Variants in CDHR2 observed in about 807,000 individuals in gnomAD.
CDHR2 encodes cadherin related family member 2.
A neutral mutation model predicts 138.6 loss-of-function variants in CDHR2; 104 were observed. The ratio of observed to expected loss-of-function variants is 0.75; its 90% CI spans 0.64 to 0.88. CDHR2 has a LOEUF of 0.88. CDHR2 is among the 40% of genes least tolerant of loss of function. The probability of loss-of-function intolerance (pLI) is 0.00; values close to 1 mark genes in which losing one functional copy is unlikely to be tolerated. For missense variants in CDHR2, 1,624 were observed against 1,727.6 expected (o/e 0.94, Z 1.06); for synonymous variants, 755 against 742.8 (o/e 1.02, Z -0.27).
upstream of CDHR2, among the ~76,000 whole-genome samples, chr5:176,546,115 TG>T (rs959688175): frequency 8.5e-5 from 13 of 152,096 alleles, 1 homozygote; most frequent in Admixed American, 1.3e-4. Context: ...GAGCCTTGGG[TG>T]GGGTCACCTG....
chr5:176,568,938 C>G (rs750859939), intron 4 of CDHR2, 22 bp from the exon 5 acceptor site: 4 of 1,613,754 alleles, frequency 2.5e-6, no homozygotes, highest in Admixed American at 3.3e-5. Flanking sequence ...CACCACCGGC[C>G]CCTTCTCTCT....
intron 1 of CDHR2, among the ~76,000 whole-genome samples, chr5:176,551,968 C>G (rs1757716399): frequency 6.6e-6 from 1 of 152,124 alleles, no homozygotes; most frequent in Admixed American, 6.6e-5. Context: ...AATCGGCCCG[C>G]CAAAGTGCTG....
rs745704786 is a variant in CDHR2, at chr5:176,578,573, CAGG to C, written c.1793_1795del (p.Glu598del). 4 of 1,613,330 alleles carry C rather than the reference CAGG, an allele frequency of 2.5e-6. No homozygotes were observed. Among genetic ancestry groups the C allele is most frequent in the African/African-American group, 2.7e-5 (2 of 74,924 alleles). ...TAGCGGCTCCTACAACATCTTCGTC[CAGG>C]AGGAGGAGGGCAATGTCTCCGTGAC... is the stretch of plus-strand genomic sequence containing the variant. On this transcript the variant is annotated inframe_deletion, in exon 16 of 32. Transcript: ENST00000261944.
At position 176,574,096 on chromosome 5, in the gene CDHR2, G is replaced by T. The variant is rs749881774; in HGVS notation, c.419G>T (p.Gly140Val). The T allele has an allele frequency of 5.6e-6, 9 of 1,613,952 alleles. No homozygotes were observed. The Admixed American group carries it at 1.3e-4, about 24-fold the overall frequency. The change falls in exon 7 of 32, where the codon GGC becomes GTC. Residue 140 changes from glycine to valine, a missense_variant. This residue lies in a region of CDHR2 where 1,061 missense variants were observed against 1,136.6 expected (regional missense o/e 0.93). Coordinates refer to ENST00000261944, the MANE Select transcript of CDHR2 (RefSeq NM_017675.6). ...STSINETLPV[G>V]SVVFSVLAVD... ...CCCTCCCTGCAGACCCTGCCCGTGG[G>T]CAGTGTGGTGTTCTCCGTGCTGGCC...
upstream of CDHR2, among the ~76,000 whole-genome samples, chr5:176,549,217 C>G (rs148816402): frequency 2.0e-5 from 3 of 152,198 alleles, no homozygotes; most frequent in East Asian, 1.9e-4. Context: ...GTCCGGCGCC[C>G]CCAGCTGTAC....
In CDHR2 at chr5:176,568,808, G is replaced by T. The variant is rs1451511125; in HGVS notation, c.255G>T (p.Leu85=). The T allele has an allele frequency of 1.9e-6, 3 of 1,614,152 alleles. No individual in the cohort carries two copies. Among genetic ancestry groups the T allele is most frequent in the Non-Finnish European group, 2.5e-6 (3 of 1,180,004 alleles). Residue 85 remains leucine (L), a synonymous_variant, in exon 4 of 32, where the codon CTG becomes CTT. Transcript: ENST00000261944. ...GGGAAGTGAAGCTGGCCAGCGCTCT[G>T]GACTACGAGGTAAAGAGCATCAGCC... is the stretch of plus-strand genomic sequence containing the variant. ...KTGEVKLASA[L]DYETLYTFKV...
Position 176,577,528 on chromosome 5 carries a change from G to T in CDHR2, c.1324G>T (p.Glu442Ter). Residue 442 changes from glutamate to a stop codon, truncating the protein, a stop_gained, in exon 13 of 32, where the codon GAG (glutamate) becomes TAG (stop). Transcript: ENST00000261944. LOFTEE classifies it high-confidence loss of function. ...GAGAGTATCCGCGCTGGTGGACTAC[G>T]AGAGGCAGACGGCGATGGCGGTGCA... ...LVRVSALVDY[E>*]RQTAMAVQVV... is the part of the protein sequence containing the mutation. 6.2e-7 allele frequency: 1 copy of T among 1,613,680 alleles called. No individual in the cohort carries two copies. Among genetic ancestry groups the T allele is most frequent in the Non-Finnish European group, 8.5e-7 (1 of 1,179,870 alleles).
intron 6 of CDHR2, 144 bp downstream of exon 6, chr5:176,571,446 G>GGGGAT: frequency 3.8e-6 from 2 of 521,092 alleles, no homozygotes. Context: ...CCAAAGCCAG[G>GGGGAT]GGGATGTAAC....
intron 1 of CDHR2, among the ~76,000 whole-genome samples, chr5:176,560,057 A>G (rs1424412164): frequency 2.0e-5 from 3 of 152,206 alleles, no homozygotes; most frequent in Non-Finnish European, 4.4e-5. Flanking sequence ...GTCTCTCCCT[A>G]ACCAGCAAGG....
intron 17 of CDHR2, among the ~76,000 whole-genome samples, chr5:176,582,094 C>A (rs1187436426): frequency 6.6e-6 from 1 of 152,204 alleles, no homozygotes; most frequent in Non-Finnish European, 1.5e-5. Context: ...CATCATGGCT[C>A]ACTGCAGACT....
chr5:176,545,676 C>T (rs1252633510), upstream of CDHR2, among the ~76,000 whole-genome samples: 1 of 152,176 alleles, frequency 6.6e-6, no homozygotes, highest in East Asian at 1.9e-4. Flanking sequence ...GTGTACCTTG[C>T]CCAAGCCCCC....
Position 176,577,407 on chromosome 5 carries a change from T to C in CDHR2, c.1203T>C (p.Asn401=). 6.2e-7 allele frequency: 1 copy of C among 1,608,424 alleles called. No individual in the cohort carries two copies. The highest frequency in any genetic ancestry group is 2.2e-5 in the East Asian group (1 of 44,638). The change falls in exon 13 of 32, where the codon AAT becomes AAC. Residue 401 remains asparagine (N), a synonymous_variant. Coordinates refer to ENST00000261944, the MANE Select transcript of CDHR2 (RefSeq NM_017675.6). ...ACAGCCCACCTTTACAGGGCAGCAA[T>C]GGCACCTTCCTGTTGTCGCTGGGGG... The part of the protein sequence containing the change: ...MVVYDPDKGS[N]GTFLLSLGGP...
chr5:176,588,604 T>G (rs1022638326), intron 21 of CDHR2, among the ~76,000 whole-genome samples: 1 of 149,270 alleles, frequency 6.7e-6, no homozygotes, highest in Non-Finnish European at 1.5e-5. Flanking sequence ...TGAGTGTGTG[T>G]GCATATGTGT....
At chr5:176,573,524 A>C (rs1758283460) in intron 6 of CDHR2, among the ~76,000 whole-genome samples, 1 of 151,794 alleles carries the variant, frequency 6.6e-6, no homozygotes, top group East Asian at 1.9e-4. Context: ...GTGGGCGCCT[A>C]TAATCCCACC....
At chr5:176,589,705 A>G (rs1413299574) in intron 24 of CDHR2, 89 bp downstream of exon 24, 2 of 1,124,808 alleles carry the variant, frequency 1.8e-6, no homozygotes, top group African/African-American at 3.1e-5. Context: ...ATGTCTCTCA[A>G]TCCTGTTCCT....
At chr5:176,588,956 G>T in intron 21 of CDHR2, 75 bp from the exon 22 acceptor site, 1 of 1,522,964 alleles carries the variant, frequency 6.6e-7, no homozygotes. Flanking sequence ...GGCCACCCTT[G>T]CCTCTGATCC....
intron 1 of CDHR2, among the ~76,000 whole-genome samples, chr5:176,554,753 C>G (rs558946462): frequency 1.3e-5 from 2 of 152,326 alleles, no homozygotes; most frequent in East Asian, 1.9e-4. Context: ...CTCCACCTCC[C>G]GGGTTCACAC....
rs1757496535 is a variant in CDHR2, at chr5:176,543,198, C to T, written c.-16+429C>T. Among the ~76,000 whole-genome samples the T allele has an allele frequency of 6.7e-6, 1 of 148,646 alleles. No homozygotes were observed. The highest frequency in any genetic ancestry group is 2.4e-5 in the African/African-American group (1 of 41,036). Reference sequence around the variant, plus strand: ...TCCGCCGGCCCGCGGCCGCCCCCTACCGCCGCGTGCTCGCCGGCCCTGCGC... The same window carrying T: ...TCCGCCGGCCCGCGGCCGCCCCCTATCGCCGCGTGCTCGCCGGCCCTGCGC... On this transcript the variant is annotated intron_variant, in intron 1 of 31. Transcript: ENST00000510636. This position sits in a 1 kb window ranked among gnomAD's most constrained non-coding sequence, Gnocchi z 4.0.
chr5:176,558,284 C>T (rs1322265684), intron 1 of CDHR2, among the ~76,000 whole-genome samples: 3 of 149,106 alleles, frequency 2.0e-5, no homozygotes, highest in South Asian at 2.1e-4. Context: ...GGCGCCATCT[C>T]GGCTCACTGC....
Sources: allele counts gnomAD v4.1 joint callset (sites outside exome capture counted in the v4.1 genomes callset), GRCh38; gene constraint gnomAD v4.1.1; regional missense constraint gnomAD v4.1.1; non-coding constraint Gnocchi (gnomAD v3.1); transcripts MANE v1.5; gene names NCBI Gene and HGNC (gene_info 2026-07-23, HGNC 2026-07-21).